SERINC5: variants seen among roughly 807,000 people sequenced by gnomAD.
SERINC5 encodes chromosome 5 open reading frame 12.
In SERINC5, 41 loss-of-function variants were observed where a neutral mutation model predicts 63.1. That is an observed-to-expected ratio of 0.65 (90% CI 0.51 to 0.84). SERINC5 has a LOEUF of 0.84. Among genes scored for constraint, SERINC5 ranks in the 40% least tolerant of loss-of-function variants. The pLI is 0.00. For missense variants in SERINC5, 523 were observed against 573.0 expected (o/e 0.91, Z 0.89); for synonymous variants, 222 against 215.2 (o/e 1.03, Z -0.28).
chr5:80,156,638 A>G (rs968730056), intron 8 of SERINC5, among the ~76,000 whole-genome samples: 5 of 152,204 alleles, frequency 3.3e-5, no homozygotes, highest in Non-Finnish European at 5.9e-5. Flanking sequence ...TACGAATTCA[A>G]TAACAATGTT....
At chr5:80,150,980 T>C in intron 8 of SERINC5, 32 bp from the exon 9 acceptor site, 1 of 1,531,016 alleles carries the variant, frequency 6.5e-7, no homozygotes, top group South Asian at 1.1e-5. Context: ...CAGCTGGGCA[T>C]ATTAACACAT....
Position 80,144,694 on chromosome 5 carries a change from C to A in SERINC5, c.1239-884G>T, listed in dbSNP as rs901287985. Reference sequence around the variant, plus strand: ...CACTCCCACCACCCCTACCCCAATTCCCTCTCCTAATTTTATTTTTCTCCC... The same window carrying A: ...CACTCCCACCACCCCTACCCCAATTACCTCTCCTAATTTTATTTTTCTCCC... On this transcript the variant is annotated intron_variant, in intron 11 of 11. Transcript: ENST00000507668. Among the ~76,000 whole-genome samples the A allele has an allele frequency of 3.3e-5, 5 of 152,274 alleles. No individual in the cohort carries two copies. In the South Asian group the frequency reaches 1.0e-3, roughly 32 times the overall value.
At chr5:80,222,569 AGTGT>A (rs1014120974) in intron 1 of SERINC5, among the ~76,000 whole-genome samples, 4 of 132,196 alleles carry the variant, frequency 3.0e-5, no homozygotes, top group South Asian at 4.9e-4. Flanking sequence ...TGAGTGTGTG[AGTGT>A]GTGTGTGTGT....
chr5:80,203,118 A>T (rs1749953008), intron 1 of SERINC5, 65 bp from the exon 2 acceptor site: 1 of 1,471,918 alleles, frequency 6.8e-7, no homozygotes, highest in East Asian at 2.5e-5. Flanking sequence ...AAACATGGCC[A>T]GGCACTGTGG....
At chr5:80,242,613 A>G (rs562430862) in intron 1 of SERINC5, among the ~76,000 whole-genome samples, 202 of 152,268 alleles carry the variant, frequency 1.3e-3, no homozygotes, top group African/African-American at 4.8e-3. Flanking sequence ...AGCCAAGTGT[A>G]GTGGCATGCG....
intron 1 of SERINC5, among the ~76,000 whole-genome samples, chr5:80,207,220 A>G (rs996849778): frequency 2.6e-5 from 4 of 152,076 alleles, no homozygotes; most frequent in Non-Finnish European, 4.4e-5. Flanking sequence ...GGATGGTCTC[A>G]ATCTCCTGAC....
intron 1 of SERINC5, among the ~76,000 whole-genome samples, chr5:80,210,620 A>T (rs891431851): frequency 1.2e-4 from 19 of 152,190 alleles, no homozygotes; most frequent in African/African-American, 4.6e-4. Context: ...CAAAATCGGC[A>T]TGCACACACA....
chr5:80,179,327 G>A (rs1378743073), intron 2 of SERINC5, among the ~76,000 whole-genome samples: 4 of 152,076 alleles, frequency 2.6e-5, no homozygotes, highest in African/African-American at 2.4e-5. Flanking sequence ...TAAACAATAA[G>A]CCATGAAGAG....
downstream of SERINC5, among the ~76,000 whole-genome samples, chr5:80,111,346 G>A (rs112063556): frequency 6.9e-3 from 1,044 of 152,252 alleles, 11 homozygotes; most frequent in African/African-American, 0.024. Flanking sequence ...GGGAGGGGGA[G>A]CCTAGCTGTA....
At chr5:80,254,416 A>C (rs1377490902) in intron 1 of SERINC5, among the ~76,000 whole-genome samples, 1 of 150,952 alleles carries the variant, frequency 6.6e-6, no homozygotes, top group Non-Finnish European at 1.5e-5. Flanking sequence ...TCAACAGCAA[A>C]ATAATTCTTT....
chr5:80,187,211 C>T (rs1307928308), intron 2 of SERINC5, among the ~76,000 whole-genome samples: 3 of 152,066 alleles, frequency 2.0e-5, no homozygotes, highest in South Asian at 2.1e-4. Context: ...GCTAATTATT[C>T]TTACATTTCA....
intron 2 of SERINC5, among the ~76,000 whole-genome samples, chr5:80,199,251 C>T (rs1749687003): frequency 6.6e-6 from 1 of 152,162 alleles, no homozygotes; most frequent in South Asian, 2.1e-4. Flanking sequence ...CCTAACCCCA[C>T]CATTTAATAG....
At chr5:80,183,434 C>A (rs1748583928) in intron 2 of SERINC5, among the ~76,000 whole-genome samples, 1 of 152,060 alleles carries the variant, frequency 6.6e-6, no homozygotes, top group Non-Finnish European at 1.5e-5. Context: ...GCAATTGGGG[C>A]TGGATACAGG....
intron 2 of SERINC5, among the ~76,000 whole-genome samples, chr5:80,182,282 C>A (rs1278929314): frequency 6.6e-6 from 1 of 152,162 alleles, no homozygotes; most frequent in Admixed American, 6.6e-5. Context: ...AGATATGCCA[C>A]CCTAAAACAT....
intron 1 of SERINC5, among the ~76,000 whole-genome samples, chr5:80,212,129 G>A (rs1750461860): frequency 6.6e-6 from 1 of 152,178 alleles, no homozygotes. Context: ...GGAAATACAG[G>A]AGACCTACCA....
At chr5:80,165,199 TA>T (rs941516466) in intron 7 of SERINC5, among the ~76,000 whole-genome samples, 2 of 149,118 alleles carry the variant, frequency 1.3e-5, no homozygotes, top group Admixed American at 6.7e-5. Flanking sequence ...ATAGAGTATT[TA>T]AAAAAAAAAC....
At chr5:80,159,499 C>T (rs970747044) in intron 7 of SERINC5, among the ~76,000 whole-genome samples, 1 of 152,018 alleles carries the variant, frequency 6.6e-6, no homozygotes, top group African/African-American at 2.4e-5. Flanking sequence ...TCTTCATTCG[C>T]ATTTACTTGC....
intron 1 of SERINC5, among the ~76,000 whole-genome samples, chr5:80,238,882 T>C (rs1751828625): frequency 2.0e-5 from 3 of 151,950 alleles, no homozygotes; most frequent in Admixed American, 2.0e-4. Flanking sequence ...TTTGTTGAAC[T>C]GCTCTGCACA....
chr5:80,149,745 G>A (rs78290725), intron 9 of SERINC5, among the ~76,000 whole-genome samples: 2,114 of 152,282 alleles, frequency 0.014, 55 homozygotes, highest in African/African-American at 0.047. Flanking sequence ...GTTTTTATGA[G>A]GATTAAGTGA....
Sources: allele counts gnomAD v4.1 joint callset (sites outside exome capture counted in the v4.1 genomes callset), GRCh38; gene constraint gnomAD v4.1.1; transcripts MANE v1.5; gene names NCBI Gene and HGNC (gene_info 2026-07-23, HGNC 2026-07-21).